The following SMC4 variants were observed in gnomAD, a reference collection of about 807,000 sequenced individuals.
SMC4 encodes structural maintenance of chromosomes protein 4.
Under a neutral mutation model 145.6 loss-of-function variants are expected in SMC4, and 87 were observed. The observed-to-expected ratio is 0.60, with a 90% confidence interval of 0.50 to 0.71. SMC4 has a LOEUF of 0.71. Ranked by LOEUF, SMC4 falls within the 30% of genes least tolerant of loss-of-function variation. The pLI is 0.00. For synonymous variants in SMC4, 558 were observed against 500.7 expected (o/e 1.11, Z -1.53); for missense variants, 1,447 against 1,537.1 (o/e 0.94, Z 0.98).
intron 4 of SMC4, among the ~76,000 whole-genome samples, chr3:160,403,562 CT>C (rs1402548446): frequency 6.6e-6 from 1 of 151,816 alleles, no homozygotes; most frequent in Non-Finnish European, 1.5e-5. Context: ...ATTCGTTTTC[CT>C]TTTTTTAATA....
intron 20 of SMC4, 73 bp downstream of exon 20, chr3:160,431,278 T>G: frequency 7.7e-7 from 1 of 1,301,314 alleles, no homozygotes. Flanking sequence ...GAGGATTGTT[T>G]TAGGGGGTTG....
intron 2 of SMC4, 57 bp downstream of exon 2, chr3:160,401,022 G>A (rs1714557591): frequency 7.4e-7 from 1 of 1,358,914 alleles, no homozygotes; most frequent in South Asian, 1.8e-5. Context: ...GCAGGCAAAC[G>A]CGCCCAGCCC....
At position 160,430,617 on chromosome 3, in the gene SMC4, A is replaced by C. The variant is rs1718297037; in HGVS notation, c.2814A>C (p.Gln938His). ...TCTTTAGAAACCTTCAAAAGGCACA[A>C]GACTCTGTCTTGCGTACAGAGAAAG... ...KTADRNLQKA[Q>H]DSVLRTEKEI... Residue 938 changes from glutamine to histidine, a missense_variant, in exon 19 of 24, where the codon CAA becomes CAC. Coordinates refer to ENST00000357388, the MANE Select transcript of SMC4 (RefSeq NM_001002800.3). The C allele has an allele frequency of 6.2e-7, 1 of 1,607,652 alleles. No individual in the cohort carries two copies. Among genetic ancestry groups the C allele is most frequent in the South Asian group, 1.1e-5 (1 of 89,686 alleles).
At chr3:160,422,957 A>C (rs1717340675) in intron 13 of SMC4, among the ~76,000 whole-genome samples, 1 of 152,112 alleles carries the variant, frequency 6.6e-6, no homozygotes, top group Admixed American at 6.5e-5. Flanking sequence ...CCCAACCATT[A>C]ATGTAAAGGT....
rs537310368 is a variant in SMC4, at chr3:160,412,163, A to G, written c.852+79A>G. ...ACAAATTTTAGTAAGTCAGATATTC[A>G]TGTTATAATACTTAATGAAGAAGTG... On this transcript the variant is annotated intron_variant, in intron 6 of 23. Coordinates refer to ENST00000357388, the MANE Select transcript of SMC4 (RefSeq NM_001002800.3). The G allele has an allele frequency of 4.7e-6, 7 of 1,493,878 alleles. No individual in the cohort carries two copies. In the South Asian group the frequency reaches 5.1e-5, roughly 11 times the overall value. The allele number at this position is 1,493,878 out of a possible 1,614,324, so 92.5% of individuals were successfully genotyped here.
At chr3:160,400,725 G>A (rs1714496857) in intron 1 of SMC4, 97 bp from the exon 2 acceptor site, 15 of 1,354,918 alleles carry the variant, frequency 1.1e-5, no homozygotes, top group African/African-American at 3.1e-5. Context: ...GTTAAGCGGG[G>A]CTCTCGGAAG....
chr3:160,409,846 C>T (rs934723519), intron 5 of SMC4, among the ~76,000 whole-genome samples: 1 of 152,226 alleles, frequency 6.6e-6, no homozygotes, highest in African/African-American at 2.4e-5. Context: ...GCAAAAGGAT[C>T]GCTTGAGCCC....
chr3:160,432,777 A>G lies in SMC4; in HGVS notation c.3531-249A>G, dbSNP rs1232640385. 4.6e-5 allele frequency: 24 copies of G among 524,480 alleles called. No individual in the cohort carries two copies. In the Admixed American group the frequency reaches 8.6e-4, roughly 19 times the overall value. 32.5% of individuals were successfully genotyped at this position (524,480 alleles called of 1,614,324 possible). A position where few individuals can be genotyped will look rare whatever the true frequency, so the allele number is the denominator to read the frequency against. On this transcript the variant is annotated intron_variant, in intron 22 of 23. Coordinates refer to ENST00000357388, the MANE Select transcript of SMC4 (RefSeq NM_001002800.3). ...TGAGGATTGAGAAATTGTATTTGAT[A>G]AGGAGAAAGAATAGCAAGAAGTATA...
At chr3:160,421,722 T>C (rs1460169410) in intron 13 of SMC4, among the ~76,000 whole-genome samples, 1 of 152,096 alleles carries the variant, frequency 6.6e-6, no homozygotes, top group Non-Finnish European at 1.5e-5. Context: ...CCAGTCTGGG[T>C]GACAGAGTGA....
intron 19 of SMC4, 119 bp downstream of exon 19, chr3:160,430,862 A>T: frequency 3.2e-6 from 4 of 1,265,822 alleles, no homozygotes; most frequent in Non-Finnish European, 4.3e-6. Flanking sequence ...TTTTATAACT[A>T]TCAATTTTTA....
chr3:160,427,268 C>T lies in SMC4; in HGVS notation c.2605+1068C>T, dbSNP rs192683454. Among the ~76,000 whole-genome samples the T allele has an allele frequency of 9.2e-5, 14 of 152,196 alleles. No individual in the cohort carries two copies. In the East Asian group the frequency reaches 2.5e-3, roughly 27 times the overall value. On this transcript the variant is annotated intron_variant, in intron 17 of 23. Coordinates refer to ENST00000357388, the MANE Select transcript of SMC4 (RefSeq NM_001002800.3). The stretch of plus-strand genomic sequence containing the variant: ...GATGGCACATATTTGAGTGGAGGCC[C>T]AAAGAAAGTATGAGTGCTAACCCAT...
At chr3:160,404,750 A>C in intron 5 of SMC4, 1 of 646,018 alleles carries the variant, frequency 1.5e-6, no homozygotes, top group Non-Finnish European at 3.0e-6. Flanking sequence ...TACTTGTTCC[A>C]CTCTAGCAGC....
At chr3:160,423,883 A>T (rs750051477) in intron 15 of SMC4, 43 bp downstream of exon 15, 282 of 1,327,844 alleles carry the variant, frequency 2.1e-4, no homozygotes, top group Middle Eastern at 4.0e-4. Context: ...TTTTTTTTTT[A>T]AATAGCTTTA....
chr3:160,425,398 T>A (rs1316457712), intron 16 of SMC4, among the ~76,000 whole-genome samples: 1 of 152,206 alleles, frequency 6.6e-6, no homozygotes, highest in Non-Finnish European at 1.5e-5. Flanking sequence ...TCACCTTCAT[T>A]TTGACGTATG....
In SMC4 at chr3:160,434,773, C is replaced by T. The variant is rs933262592; in HGVS notation, c.*964C>T. The T allele has an allele frequency of 3.3e-5, 5 of 152,102 alleles. No homozygotes were observed. The highest frequency in any genetic ancestry group is 1.2e-4 in the African/African-American group (5 of 41,406). 9.4% of individuals were successfully genotyped at this position (152,102 alleles called of 1,614,324 possible). A position where few individuals can be genotyped will look rare whatever the true frequency, so the allele number is the denominator to read the frequency against. On this transcript the variant is annotated 3_prime_UTR_variant, in exon 24 of 24. Coordinates refer to ENST00000357388, the MANE Select transcript of SMC4 (RefSeq NM_001002800.3). ...TTCGGTATTGTATTAGAAGTCTGCC[C>T]TAGCTGTTAAATTTCTGGGTATTTA...
chr3:160,410,832 A>ACT (rs754902463), intron 5 of SMC4, among the ~76,000 whole-genome samples: 20 of 152,214 alleles, frequency 1.3e-4, no homozygotes, highest in Non-Finnish European at 2.5e-4. Context: ...AGGAAATAGG[A>ACT]ATCACTAAGA....
chr3:160,400,813 C>T lies in SMC4; in HGVS notation c.-5-9C>T. 2 of 1,517,716 alleles carry T rather than the reference C, an allele frequency of 1.3e-6. No individual in the cohort carries two copies. The highest frequency in any genetic ancestry group is 1.7e-6 in the Non-Finnish European group (2 of 1,142,988). 94.0% of individuals were successfully genotyped at this position (1,517,716 alleles called of 1,614,324 possible). A position where few individuals can be genotyped will look rare whatever the true frequency, so the allele number is the denominator to read the frequency against. On this transcript the variant is annotated splice_polypyrimidine_tract_variant and intron_variant, in intron 1 of 23. Coordinates refer to ENST00000357388, the MANE Select transcript of SMC4 (RefSeq NM_001002800.3). Reference sequence around the variant, plus strand: ...GGCTGACTTGCTCCCGGCTGTCCCCCGGCCCCAGCGACCATGCCCCGTAAA... The same window carrying T: ...GGCTGACTTGCTCCCGGCTGTCCCCTGGCCCCAGCGACCATGCCCCGTAAA...
intron 8 of SMC4, 130 bp downstream of exon 8, chr3:160,413,743 G>T: frequency 3.7e-6 from 2 of 541,512 alleles, no homozygotes; most frequent in Non-Finnish European, 6.0e-6. Flanking sequence ...GGCCCCCTTA[G>T]TGAAAAAAAA....
At chr3:160,429,802 C>T (rs1029927660) in intron 18 of SMC4, among the ~76,000 whole-genome samples, 5 of 151,180 alleles carry the variant, frequency 3.3e-5, no homozygotes, top group African/African-American at 1.2e-4. Flanking sequence ...CTGCAGCCTC[C>T]GCCTCCCAGG....
Sources: gnomAD v4.1 joint callset for allele counts (sites outside exome capture counted in the v4.1 genomes callset) on GRCh38, gnomAD v4.1.1 for gene constraint, MANE v1.5 for transcripts, NCBI Gene and HGNC (gene_info 2026-07-23, HGNC 2026-07-21) for gene names.